DDAH1: variants seen among roughly 807,000 people sequenced by gnomAD.
The protein encoded by DDAH1 is dimethylarginine dimethylaminohydrolase 1.
Under a neutral mutation model 28.8 loss-of-function variants are expected in DDAH1, and 19 were observed. The observed-to-expected ratio is 0.66, with a 90% CI of 0.46 to 0.97. DDAH1 has a LOEUF of 0.97. DDAH1 is among the 50% of genes least tolerant of loss of function. The pLI is 0.00. For synonymous variants in DDAH1, 153 were observed against 154.4 expected, an observed-to-expected ratio of 0.99 and a Z score of 0.07; for missense variants, 326 against 375.9, an observed-to-expected ratio of 0.87 and a Z score of 1.10.
At chr1:85,563,333 A>G (rs1659191542) in intron 1 of DDAH1, among the ~76,000 whole-genome samples, 1 of 152,218 alleles carries the variant, frequency 6.6e-6, no homozygotes, top group Non-Finnish European at 1.5e-5. Context: ...GCCTAAAAGG[A>G]GCAGAAGAAA....
At chr1:85,463,677 A>G (rs1361971563) in intron 1 of DDAH1, among the ~76,000 whole-genome samples, 2 of 152,244 alleles carry the variant, frequency 1.3e-5, no homozygotes, top group Non-Finnish European at 2.9e-5. Context: ...AGGAATAAGC[A>G]TATTTTATCA....
At chr1:85,420,882 T>C (rs1653111127) in intron 1 of DDAH1, among the ~76,000 whole-genome samples, 3 of 152,222 alleles carry the variant, frequency 2.0e-5, no homozygotes, top group Admixed American at 6.5e-5. Flanking sequence ...AACTGGGTAA[T>C]TTATAAAGAA....
chr1:85,537,428 G>T (rs1658327166), intron 1 of DDAH1, among the ~76,000 whole-genome samples: 1 of 146,408 alleles, frequency 6.8e-6, no homozygotes, highest in African/African-American at 2.5e-5. Context: ...GCCAGACACA[G>T]AAAAACAAAT....
chr1:85,505,477 C>T (rs1656982268), intron 1 of DDAH1, among the ~76,000 whole-genome samples: 1 of 152,046 alleles, frequency 6.6e-6, no homozygotes, highest in Non-Finnish European at 1.5e-5. Flanking sequence ...TAAAGAAAGG[C>T]ATGAAAAAGA....
intron 2 of DDAH1, among the ~76,000 whole-genome samples, chr1:85,479,260 G>A (rs1178909943): frequency 1.5e-5 from 2 of 134,444 alleles, no homozygotes; most frequent in African/African-American, 2.8e-5. Context: ...TGCAAGCTCC[G>A]CTTCCCGGGT....
At chr1:85,466,900 C>T (rs1222021389), upstream of DDAH1, among the ~76,000 whole-genome samples, 3 of 117,188 alleles carry the variant, frequency 2.6e-5, no homozygotes, top group African/African-American at 3.3e-5. Flanking sequence ...TGCAATGGCG[C>T]GATCTCAGCT....
At chr1:85,422,911 G>A (rs1426605542) in intron 1 of DDAH1, among the ~76,000 whole-genome samples, 1 of 152,190 alleles carries the variant, frequency 6.6e-6, no homozygotes, top group African/African-American at 2.4e-5. Flanking sequence ...AAGCTAGGAA[G>A]AGAGAATCCA....
intron 1 of DDAH1, among the ~76,000 whole-genome samples, chr1:85,519,295 A>G (rs1657588090): frequency 6.6e-6 from 1 of 151,592 alleles, no homozygotes; most frequent in Non-Finnish European, 1.5e-5. Context: ...ACGGGGTTTC[A>G]CCGTGTTAGC....
intron 1 of DDAH1, among the ~76,000 whole-genome samples, chr1:85,460,621 G>C (rs982610436): frequency 6.6e-6 from 1 of 152,104 alleles, no homozygotes; most frequent in African/African-American, 2.4e-5. Context: ...AGGGGCAAAA[G>C]GGCCTTTTGC....
chr1:85,477,433 G>T (rs140998354), intron 2 of DDAH1, among the ~76,000 whole-genome samples: 1 of 151,958 alleles, frequency 6.6e-6, no homozygotes, highest in African/African-American at 2.4e-5. Flanking sequence ...GACATCTTAC[G>T]TGAGAACCAT....
chr1:85,404,560 A>G (rs532558802), intron 1 of DDAH1: 250 of 1,348,228 alleles, frequency 1.9e-4, no homozygotes, highest in Admixed American at 4.5e-4. Flanking sequence ...AAAAAAAAAT[A>G]GGAGTTCATT....
chr1:85,573,793 A>G (rs960527319), intron 1 of DDAH1, among the ~76,000 whole-genome samples: 8 of 152,240 alleles, frequency 5.3e-5, no homozygotes, highest in African/African-American at 1.7e-4. Flanking sequence ...ATAAATTCCT[A>G]CAACCAAGAG....
At chr1:85,511,560 A>C (rs1273448821) in intron 1 of DDAH1, among the ~76,000 whole-genome samples, 2 of 152,230 alleles carry the variant, frequency 1.3e-5, no homozygotes, top group Non-Finnish European at 2.9e-5. Context: ...TGAATCCAGG[A>C]GCTGGTTTTT....
intron 1 of DDAH1, among the ~76,000 whole-genome samples, chr1:85,360,349 ACATT>A (rs1452991291): frequency 1.3e-5 from 2 of 152,222 alleles, no homozygotes; most frequent in African/African-American, 4.8e-5. Flanking sequence ...TGTAGTAAAT[ACATT>A]CAGTGACCTC....
At chr1:85,333,058 A>G (rs1015113887) in intron 4 of DDAH1, among the ~76,000 whole-genome samples, 2 of 152,180 alleles carry the variant, frequency 1.3e-5, no homozygotes, top group African/African-American at 4.8e-5. Context: ...TGGCGCCCAC[A>G]TATGCCACCC....
intron 1 of DDAH1, among the ~76,000 whole-genome samples, chr1:85,529,199 A>G (rs2100771676): frequency 6.6e-6 from 1 of 152,226 alleles, no homozygotes; most frequent in Admixed American, 6.5e-5. Context: ...TGTAATGTGA[A>G]TCCTGACTCT....
At chr1:85,404,556 A>G in intron 1 of DDAH1, 1 of 1,341,408 alleles carries the variant, frequency 7.5e-7, no homozygotes, top group Middle Eastern at 2.0e-4. Flanking sequence ...ACAGAAAAAA[A>G]AATAGGAGTT....
Position 85,321,503 on chromosome 1 carries a change from A to G in DDAH1, c.807T>C (p.Asp269=). The change falls in exon 6 of 6, where the codon GAT becomes GAC. Residue 269 remains aspartate, a synonymous_variant. Coordinates refer to ENST00000284031, the MANE Select transcript of DDAH1 (RefSeq NM_012137.4). ...AAACTGAGCAGCAGGTGAGCAGCCC[A>G]TCCACCTTTTCCAGTTCAGACATGC... ...PVSMSELEKV[D]GLLTCCSVLI... 1 of 1,614,190 alleles carries G rather than the reference A, an allele frequency of 6.2e-7. No individual in the cohort carries two copies. Among genetic ancestry groups the G allele is most frequent in the East Asian group, 2.2e-5 (1 of 44,894 alleles).
intron 1 of DDAH1, among the ~76,000 whole-genome samples, chr1:85,413,876 A>G (rs1652769848): frequency 6.6e-6 from 1 of 152,252 alleles, no homozygotes; most frequent in East Asian, 1.9e-4. Flanking sequence ...TTGGGTAGCT[A>G]CAGTAACTCA....
Sources: allele counts gnomAD v4.1 joint callset (sites outside exome capture counted in the v4.1 genomes callset), GRCh38; gene constraint gnomAD v4.1.1; transcripts MANE v1.5; gene names NCBI Gene and HGNC (gene_info 2026-07-23, HGNC 2026-07-21).